Variants in ELOVL6 observed in about 807,000 individuals in gnomAD.
ELOVL6 encodes the protein ELOVL fatty acid elongase 6.
In ELOVL6, 8 loss-of-function variants were observed where a neutral mutation model predicts 31.7. The observed-to-expected ratio is 0.25, with a 90% CI of 0.15 to 0.45. The LOEUF (loss-of-function observed/expected upper bound fraction) is 0.45, where lower values mean the gene tolerates loss of function less well. Among genes scored for constraint, ELOVL6 ranks in the 20% least tolerant of loss-of-function variants. ELOVL6 has a pLI of 1.00. For synonymous variants in ELOVL6, 101 were observed against 117.7 expected (o/e 0.86, Z 0.92); for missense variants, 126 against 326.4 (o/e 0.39, Z 4.73).
chr4:110,133,949 T>C lies in ELOVL6; in HGVS notation c.90-28321A>G, dbSNP rs1757739474. Among the ~76,000 whole-genome samples, 3 of 152,176 alleles carry C rather than the reference T, an allele frequency of 2.0e-5. No individual in the cohort carries two copies. In the South Asian group the frequency reaches 6.2e-4, roughly 32 times the overall value. On this transcript the variant is annotated intron_variant, in intron 1 of 3. Transcript: ENST00000302274. ...CGTTTAGAAAAGTAGAATAATAATATCCATAACGCTTTAACGCAGTAGATC... is the reference window on the plus strand; with the variant it reads ...CGTTTAGAAAAGTAGAATAATAATACCCATAACGCTTTAACGCAGTAGATC...
intron 1 of ELOVL6, among the ~76,000 whole-genome samples, chr4:110,129,611 CT>C (rs1235053350): frequency 6.6e-6 from 1 of 152,240 alleles, no homozygotes; most frequent in Non-Finnish European, 1.5e-5. Context: ...ACAGACTTGT[CT>C]GCATGTCCCT....
intron 2 of ELOVL6, among the ~76,000 whole-genome samples, chr4:110,088,585 A>T (rs1756335415): frequency 6.6e-6 from 1 of 152,186 alleles, no homozygotes; most frequent in African/African-American, 2.4e-5. Context: ...CAACCTTAAC[A>T]TATAGTATTT....
intron 1 of ELOVL6, among the ~76,000 whole-genome samples, chr4:110,156,791 T>C (rs1758436567): frequency 6.6e-6 from 1 of 152,234 alleles, no homozygotes; most frequent in Non-Finnish European, 1.5e-5. Context: ...GTTAGTTTTA[T>C]ACTACCTTAG....
At chr4:110,083,172 T>G (rs530450593) in intron 2 of ELOVL6, among the ~76,000 whole-genome samples, 1 of 151,906 alleles carries the variant, frequency 6.6e-6, no homozygotes, top group Admixed American at 6.5e-5. Context: ...AAACCCATAT[T>G]CTAGTGAGGG....
intron 2 of ELOVL6, among the ~76,000 whole-genome samples, chr4:110,095,480 T>TAAA (rs11396794): frequency 7.7e-6 from 1 of 129,070 alleles, no homozygotes; most frequent in African/African-American, 2.9e-5. Flanking sequence ...AAACTGTCTT[T>TAAA]AAAAAAAAAA....
At chr4:110,141,022 A>G (rs982125894) in intron 1 of ELOVL6, among the ~76,000 whole-genome samples, 1 of 151,960 alleles carries the variant, frequency 6.6e-6, no homozygotes, top group Non-Finnish European at 1.5e-5. Flanking sequence ...CTGGGGCTAA[A>G]CTATCTCTGT....
chr4:110,100,966 G>T (rs1163889439), intron 2 of ELOVL6, among the ~76,000 whole-genome samples: 1 of 152,178 alleles, frequency 6.6e-6, no homozygotes, highest in African/African-American at 2.4e-5. Context: ...TTATAATAAT[G>T]AAGTTTTCAT....
chr4:110,070,026 T>C (rs1247768112), intron 2 of ELOVL6, among the ~76,000 whole-genome samples: 1 of 152,204 alleles, frequency 6.6e-6, no homozygotes, highest in Non-Finnish European at 1.5e-5. Flanking sequence ...GTGTCCTAGA[T>C]GAGAACCCTT....
chr4:110,186,258 G>A (rs192593955), intron 1 of ELOVL6, among the ~76,000 whole-genome samples: 1 of 152,068 alleles, frequency 6.6e-6, no homozygotes, highest in East Asian at 1.9e-4. Flanking sequence ...ACAAGTAGGT[G>A]ACTATTCCTG....
In ELOVL6 at chr4:110,084,113, T is replaced by TATATATG. The variant is rs1578466006; in HGVS notation, c.221+21383_221+21384insCATATAT. On this transcript the variant is annotated intron_variant, in intron 2 of 3. Transcript: ENST00000302274. The stretch of plus-strand genomic sequence containing the variant: ...TATAACATATATATGATATATATGA[T>TATATATG]ATATATAACATATATGTGATAATGA... Among the ~76,000 whole-genome samples the TATATATG allele has an allele frequency of 1.3e-4, 10 of 76,938 alleles. 1 individual carries two copies. Among genetic ancestry groups the TATATATG allele is most frequent in the African/African-American group, 3.9e-4 (6 of 15,322 alleles). 50.5% of individuals were successfully genotyped at this position (76,938 alleles called of 152,430 possible). A position where few individuals can be genotyped will look rare whatever the true frequency, so the allele number is the denominator to read the frequency against.
chr4:110,183,996 T>A (rs1256574255), intron 1 of ELOVL6, among the ~76,000 whole-genome samples: 1 of 151,890 alleles, frequency 6.6e-6, no homozygotes, highest in Non-Finnish European at 1.5e-5. Context: ...AATCAATCAA[T>A]CAATAAAATA....
In ELOVL6 at chr4:110,169,308, G is replaced by A. The variant is rs373826958; in HGVS notation, c.89+28939C>T. Among the ~76,000 whole-genome samples the A allele has an allele frequency of 4.1e-5, 6 of 147,036 alleles. No individual in the cohort carries two copies. The East Asian group carries it at 6.0e-4, about 15-fold the overall frequency. On this transcript the variant is annotated intron_variant, in intron 1 of 3. Coordinates refer to ENST00000302274, the MANE Select transcript of ELOVL6 (RefSeq NM_024090.3). The stretch of plus-strand genomic sequence containing the variant: ...GGTTGGAGTGCAGTGGTGCGATCTC[G>A]GCTCACTGCAATCTCTACCTCCTGG...
In ELOVL6 at chr4:110,197,945, T is replaced by C. The variant is rs1478392321; in HGVS notation, c.89+302A>G. The C allele has an allele frequency of 8.8e-6, 4 of 452,884 alleles. No homozygotes were observed. The Admixed American group carries it at 1.5e-4, about 17-fold the overall frequency. The allele number at this position is 452,884 out of a possible 1,614,324, so 28.1% of individuals were successfully genotyped here. ...TAGGCGATCTGGACTGTGGCATCTC[T>C]CCCGCCTTCCCTGTCGCGCAGACAT... On this transcript the variant is annotated intron_variant, in intron 1 of 3. Coordinates refer to ENST00000302274, the MANE Select transcript of ELOVL6 (RefSeq NM_024090.3).
At chr4:110,121,542 C>T (rs1162853807) in intron 1 of ELOVL6, among the ~76,000 whole-genome samples, 1 of 151,990 alleles carries the variant, frequency 6.6e-6, no homozygotes, top group Non-Finnish European at 1.5e-5. Flanking sequence ...ACTAAAAATA[C>T]AAAAAAATTA....
intron 1 of ELOVL6, among the ~76,000 whole-genome samples, chr4:110,172,153 G>A (rs958016361): frequency 1.3e-5 from 2 of 152,100 alleles, no homozygotes; most frequent in African/African-American, 4.8e-5. Context: ...GGGAGAGCAG[G>A]TAGTCTTGGG....
At chr4:110,123,140 CTTGTGTT>C (rs1757400094) in intron 1 of ELOVL6, among the ~76,000 whole-genome samples, 1 of 152,082 alleles carries the variant, frequency 6.6e-6, no homozygotes, top group African/African-American at 2.4e-5. Context: ...TTTTTTAAAT[CTTGTGTT>C]TTGGACATAC....
chr4:110,141,374 A>G (rs909589646), intron 1 of ELOVL6, among the ~76,000 whole-genome samples: 8 of 152,140 alleles, frequency 5.3e-5, no homozygotes, highest in South Asian at 2.1e-4. Flanking sequence ...GAGCATTGGT[A>G]TATAAAAGCT....
intron 2 of ELOVL6, among the ~76,000 whole-genome samples, chr4:110,075,587 G>C (rs1043783277): frequency 6.6e-6 from 1 of 152,144 alleles, no homozygotes; most frequent in Non-Finnish European, 1.5e-5. Flanking sequence ...AAACTAGAAT[G>C]GTGGTTGTTG....
chr4:110,184,140 A>G (rs1759375533), intron 1 of ELOVL6, among the ~76,000 whole-genome samples: 1 of 152,246 alleles, frequency 6.6e-6, no homozygotes, highest in Non-Finnish European at 1.5e-5. Context: ...TCTTCTTAAA[A>G]ATGAGATCAG....
Sources: allele counts gnomAD v4.1 joint callset (sites outside exome capture counted in the v4.1 genomes callset), GRCh38; gene constraint gnomAD v4.1.1; transcripts MANE v1.5; gene names NCBI Gene and HGNC (gene_info 2026-07-23, HGNC 2026-07-21).